The following LDAH variants were observed in gnomAD, a reference collection of about 807,000 sequenced individuals.
The protein encoded by LDAH is lipid droplet associated hydrolase.
Under a neutral mutation model 29.6 loss-of-function variants are expected in LDAH, and 26 were observed. The ratio of observed to expected loss-of-function variants is 0.88; its 90% confidence interval spans 0.64 to 1.22. LDAH has a LOEUF of 1.22. LDAH is among the 50% of genes most tolerant of loss of function. The probability of loss-of-function intolerance (pLI) is 0.00; values close to 1 mark genes in which losing one functional copy is unlikely to be tolerated. For synonymous variants in LDAH, 117 were observed against 133.0 expected (o/e 0.88, Z 0.83); for missense variants, 344 against 387.3 (o/e 0.89, Z 0.94).
rs139105947 is a variant in LDAH, at chr2:20,773,257, A to C, written c.468+1553T>G. Reference sequence around the variant, plus strand: ...CCCCATTTTACAAATGAGGAAACTGAGGTTGAGACTCAAAACTAAAGTAGA... The same window carrying C: ...CCCCATTTTACAAATGAGGAAACTGCGGTTGAGACTCAAAACTAAAGTAGA... On this transcript the variant is annotated intron_variant, in intron 4 of 6. Transcript: ENST00000237822. Among the ~76,000 whole-genome samples, 34 of 152,234 alleles carry C rather than the reference A, an allele frequency of 2.2e-4. No homozygotes were observed. The East Asian group carries it at 6.6e-3, about 29-fold the overall frequency.
intron 4 of LDAH, among the ~76,000 whole-genome samples, chr2:20,762,272 C>CA (rs1262096401): frequency 3.3e-5 from 5 of 151,014 alleles, no homozygotes; most frequent in Admixed American, 2.0e-4. Context: ...ATATAAATTC[C>CA]AAAAAAAAGA....
chr2:20,690,195 G>A (rs1662898077), intron 6 of LDAH, among the ~76,000 whole-genome samples: 1 of 152,100 alleles, frequency 6.6e-6, no homozygotes, highest in African/African-American at 2.4e-5. Context: ...CATGGATTAA[G>A]GGACCCGACA....
chr2:20,757,832 T>A, intron 4 of LDAH, among the ~76,000 whole-genome samples: 1 of 151,964 alleles, frequency 6.6e-6, no homozygotes, highest in Non-Finnish European at 1.5e-5. Context: ...AAACATCAGC[T>A]CTTCCTGGGT....
intron 4 of LDAH, among the ~76,000 whole-genome samples, chr2:20,756,197 G>C (rs1668329632): frequency 1.3e-5 from 2 of 152,074 alleles, no homozygotes. Context: ...ACCATGCCCA[G>C]CTAATTTTTG....
At chr2:20,793,463 T>G (rs1216299799) in intron 2 of LDAH, among the ~76,000 whole-genome samples, 1 of 152,162 alleles carries the variant, frequency 6.6e-6, no homozygotes, top group Non-Finnish European at 1.5e-5. Flanking sequence ...TCTTAGCTCT[T>G]GAAGAAATGG....
At chr2:20,702,157 G>A (rs1268992061) in intron 5 of LDAH, among the ~76,000 whole-genome samples, 1 of 151,788 alleles carries the variant, frequency 6.6e-6, no homozygotes, top group Non-Finnish European at 1.5e-5. Flanking sequence ...CCATTACACT[G>A]GCTGCAAAAT....
chr2:20,691,429 A>C (rs1558378884), intron 6 of LDAH, among the ~76,000 whole-genome samples: 1 of 151,872 alleles, frequency 6.6e-6, no homozygotes, highest in Non-Finnish European at 1.5e-5. Context: ...CACCCACCTC[A>C]CCCTCACAAA....
intron 1 of LDAH, among the ~76,000 whole-genome samples, chr2:20,815,153 A>T (rs1672763775): frequency 6.6e-6 from 1 of 152,188 alleles, no homozygotes; most frequent in Admixed American, 6.5e-5. Context: ...TTAAAATTAA[A>T]AACTTGCTGG....
chr2:20,787,201 T>C lies in LDAH; in HGVS notation c.298+3054A>G, dbSNP rs910688101. Among the ~76,000 whole-genome samples, 7 of 152,362 alleles carry C rather than the reference T, an allele frequency of 4.6e-5. No individual in the cohort carries two copies. In the South Asian group the frequency reaches 8.3e-4, roughly 18 times the overall value. On this transcript the variant is annotated intron_variant, in intron 3 of 6. Coordinates refer to ENST00000237822, the MANE Select transcript of LDAH (RefSeq NM_021925.4). ...AATCTTCATTGTATTTCCTTGTCTC[T>C]CTAGATTTTAGGTGACAATTTGTCC... is the stretch of plus-strand genomic sequence containing the variant.
chr2:20,770,552 G>A (rs1669341701), intron 4 of LDAH, among the ~76,000 whole-genome samples: 2 of 152,262 alleles, frequency 1.3e-5, no homozygotes, highest in Non-Finnish European at 2.9e-5. Flanking sequence ...GGGTTGATAA[G>A]AGAAAGAAGA....
At chr2:20,710,613 TATATATAG>T (rs1365746385) in intron 5 of LDAH, among the ~76,000 whole-genome samples, 62 of 129,772 alleles carry the variant, frequency 4.8e-4, no homozygotes, top group African/African-American at 1.5e-3. Context: ...TGTGTATATA[TATATATAG>T]ATATATATAT....
intron 5 of LDAH, among the ~76,000 whole-genome samples, chr2:20,712,125 T>C (rs568086909): frequency 6.6e-6 from 1 of 151,990 alleles, no homozygotes; most frequent in South Asian, 2.1e-4. Context: ...CACCTCCCAG[T>C]AGAGGCCAGC....
At chr2:20,756,168 A>G (rs1362516240) in intron 4 of LDAH, among the ~76,000 whole-genome samples, 3 of 151,988 alleles carry the variant, frequency 2.0e-5, no homozygotes, top group African/African-American at 7.2e-5. Context: ...CCAAGTAGCC[A>G]GGATTACAAG....
chr2:20,686,854 AC>A lies in LDAH; in HGVS notation c.*48del, dbSNP rs752602887. 18 of 1,501,812 alleles carry A rather than the reference AC, an allele frequency of 1.2e-5. No individual in the cohort carries two copies. The highest frequency in any genetic ancestry group is 1.6e-5 in the Non-Finnish European group (18 of 1,093,074). The allele number at this position is 1,501,812 out of a possible 1,614,324, so 93.0% of individuals were successfully genotyped here. A position where few individuals can be genotyped will look rare whatever the true frequency, so the allele number is the denominator to read the frequency against. On this transcript the variant is annotated 3_prime_UTR_variant, in exon 7 of 7. Coordinates refer to ENST00000237822, the MANE Select transcript of LDAH (RefSeq NM_021925.4). The stretch of plus-strand genomic sequence containing the variant: ...AACATTTACCTACTAAGTCTAGTAC[AC>A]TGACTGCCTCCATGTACTGGCAGTG...
intron 5 of LDAH, among the ~76,000 whole-genome samples, chr2:20,722,747 C>T (rs1665749791): frequency 6.6e-6 from 1 of 152,090 alleles, no homozygotes; most frequent in African/African-American, 2.4e-5. Context: ...AGAACAATCT[C>T]AAAATATTTT....
chr2:20,731,579 C>T (rs1038905169), intron 5 of LDAH, among the ~76,000 whole-genome samples: 4 of 152,156 alleles, frequency 2.6e-5, no homozygotes, highest in African/African-American at 7.2e-5. Flanking sequence ...CAGTATGTCT[C>T]TCCATTTACT....
At chr2:20,746,170 G>C (rs1024654268) in intron 4 of LDAH, among the ~76,000 whole-genome samples, 1 of 152,140 alleles carries the variant, frequency 6.6e-6, no homozygotes, top group African/African-American at 2.4e-5. Flanking sequence ...TACCAAACTA[G>C]AAGAATGTAC....
chr2:20,787,123 G>A (rs991605627), intron 3 of LDAH, among the ~76,000 whole-genome samples: 1 of 152,104 alleles, frequency 6.6e-6, no homozygotes, highest in African/African-American at 2.4e-5. Flanking sequence ...CACCATTTAT[G>A]TATTCTACAC....
intron 1 of LDAH, among the ~76,000 whole-genome samples, chr2:20,814,989 T>A (rs920785499): frequency 6.6e-6 from 1 of 152,230 alleles, no homozygotes; most frequent in African/African-American, 2.4e-5. Flanking sequence ...AGGTTTAAAA[T>A]CTTGAGTAAC....
Sources: allele counts gnomAD v4.1 joint callset (sites outside exome capture counted in the v4.1 genomes callset), GRCh38; gene constraint gnomAD v4.1.1; transcripts MANE v1.5; gene names NCBI Gene and HGNC (gene_info 2026-07-23, HGNC 2026-07-21).